The following ATL2 variants were observed in gnomAD, a reference collection of about 807,000 sequenced individuals.
ATL2 encodes atlastin GTPase 2, also known as atlastin-2.
A neutral mutation model predicts 73.9 loss-of-function variants in ATL2; 31 were observed. The ratio of observed to expected loss-of-function variants is 0.42; its 90% CI spans 0.32 to 0.57. ATL2 has a LOEUF of 0.57. Among genes scored for constraint, ATL2 ranks in the 20% least tolerant of loss-of-function variants. ATL2 has a pLI of 0.14. For synonymous variants in ATL2, 291 were observed against 237.5 expected (o/e 1.23, Z -2.07); for missense variants, 738 against 702.6 (o/e 1.05, Z -0.57).
At position 38,376,067 on chromosome 2, in the gene ATL2, G is replaced by A. The variant is rs564378495; in HGVS notation, c.118+1076C>T. 8.7e-6 allele frequency: 12 copies of A among 1,387,042 alleles called. No individual in the cohort carries two copies. In the East Asian group the frequency reaches 1.0e-4, roughly 12 times the overall value. The allele number at this position is 1,387,042 out of a possible 1,614,324, so 85.9% of individuals were successfully genotyped here. A position where few individuals can be genotyped will look rare whatever the true frequency, so the allele number is the denominator to read the frequency against. On this transcript the variant is annotated intron_variant, in intron 1 of 12. Coordinates refer to ENST00000378954, the MANE Select transcript of ATL2 (RefSeq NM_001135673.4). The stretch of plus-strand genomic sequence containing the variant: ...CGTAAAAAAAGAAATCTTAAGACAC[G>A]AGCTCGTATCTGTATTTAATAATAA...
intron 4 of ATL2, chr2:38,318,214 A>G: frequency 5.0e-6 from 1 of 200,082 alleles, no homozygotes; most frequent in East Asian, 1.2e-4. Flanking sequence ...TCAGTGGCTC[A>G]CGCCTGTAAT....
chr2:38,335,509 A>G (rs928112085), intron 2 of ATL2, among the ~76,000 whole-genome samples: 2 of 152,202 alleles, frequency 1.3e-5, no homozygotes, highest in Non-Finnish European at 2.9e-5. Context: ...CTATGATTAC[A>G]TTTATGTGAA....
chr2:38,309,007 T>G (rs1286804817), intron 9 of ATL2, among the ~76,000 whole-genome samples: 2 of 151,980 alleles, frequency 1.3e-5, no homozygotes, highest in African/African-American at 4.8e-5. Flanking sequence ...TCTTATCAAG[T>G]CCTCAGAACT....
intron 9 of ATL2, among the ~76,000 whole-genome samples, chr2:38,307,788 C>A (rs1364888869): frequency 6.6e-6 from 1 of 151,884 alleles, no homozygotes; most frequent in African/African-American, 2.4e-5. Context: ...ATGATCTGAT[C>A]AAAAAACGGG....
At chr2:38,363,529 G>C (rs972917545) in intron 1 of ATL2, among the ~76,000 whole-genome samples, 2 of 152,100 alleles carry the variant, frequency 1.3e-5, no homozygotes, top group African/African-American at 2.4e-5. Context: ...TTCTAGAAGG[G>C]CAAGTATTAA....
chr2:38,339,746 G>A (rs556283771), intron 2 of ATL2, among the ~76,000 whole-genome samples: 4 of 151,952 alleles, frequency 2.6e-5, no homozygotes, highest in Admixed American at 2.6e-4. Flanking sequence ...GTTAGAGTAT[G>A]ATGGCACAAT....
intron 7 of ATL2, among the ~76,000 whole-genome samples, chr2:38,311,446 T>C (rs1340034115): frequency 6.9e-6 from 1 of 145,034 alleles, no homozygotes; most frequent in African/African-American, 2.5e-5. Context: ...AATTAAAACC[T>C]GGAAACTACC....
At chr2:38,358,599 G>A (rs1332415628) in intron 1 of ATL2, 15 of 283,880 alleles carry the variant, frequency 5.3e-5, no homozygotes, top group South Asian at 5.1e-5. Flanking sequence ...GGCTGAGGCC[G>A]GAGAATGGCG....
chr2:38,321,693 A>G (rs1256316766), intron 2 of ATL2, among the ~76,000 whole-genome samples: 1 of 152,058 alleles, frequency 6.6e-6, no homozygotes, highest in African/African-American at 2.4e-5. Flanking sequence ...CTGCTGCATA[A>G]CAATCCTTTT....
rs549748935 is a variant in ATL2 at position 38,314,960 on chromosome 2, T to C, written c.655-296A>G. On this transcript the variant is annotated intron_variant, in intron 5 of 12. Transcript: ENST00000378954. ...GTTGGCACATTTTCTTTAAGAAATA[T>C]GTGCTCGCAGACGGGCGCAGCGGCT... 2.0e-4 allele frequency among the ~76,000 whole-genome samples: 30 copies of C among 152,352 alleles called. No homozygotes were observed. In the South Asian group the frequency reaches 5.4e-3, roughly 27 times the overall value.
intron 1 of ATL2, among the ~76,000 whole-genome samples, chr2:38,372,966 T>C (rs572841726): frequency 6.6e-6 from 1 of 152,348 alleles, no homozygotes; most frequent in South Asian, 2.1e-4. Context: ...ATACACATTA[T>C]ATATAATAGC....
In ATL2 at chr2:38,377,189, G is replaced by A. The variant is rs759392627; in HGVS notation, c.72C>T (p.Ser24=). 8 of 1,610,654 alleles carry A rather than the reference G, an allele frequency of 5.0e-6. No individual in the cohort carries two copies. In the South Asian group the frequency reaches 7.7e-5, roughly 16 times the overall value. The change falls in exon 1 of 13, where the codon AGC becomes AGT. Residue 24 remains serine, a synonymous_variant. Coordinates refer to ENST00000378954, the MANE Select transcript of ATL2 (RefSeq NM_001135673.4). ...CGTGGTTAACCGCGGCGCTTGGGTC[G>A]CTGGTCCGTCGCCGGCGCCACAGCC... is the stretch of plus-strand genomic sequence containing the variant. ...HQGLWRRRRT[S]DPSAAVNHVS... is the part of the protein sequence containing the mutation.
chr2:38,354,086 G>C, intron 1 of ATL2: 1 of 360,420 alleles, frequency 2.8e-6, no homozygotes, highest in South Asian at 1.9e-5. Context: ...CAGCTACTTG[G>C]GAGGCTGAGG....
intron 12 of ATL2, chr2:38,296,342 T>A: frequency 6.9e-7 from 1 of 1,454,692 alleles, no homozygotes; most frequent in Admixed American, 2.7e-5. Flanking sequence ...ATGAGATGGA[T>A]GTGCAATTCC....
chr2:38,365,357 G>T (rs931398386), intron 1 of ATL2, among the ~76,000 whole-genome samples: 1 of 151,878 alleles, frequency 6.6e-6, no homozygotes, highest in African/African-American at 2.4e-5. Flanking sequence ...TACAGCAGCA[G>T]TTTAAAAAAA....
At chr2:38,370,651 C>T (rs890017971) in intron 1 of ATL2, among the ~76,000 whole-genome samples, 1 of 151,906 alleles carries the variant, frequency 6.6e-6, no homozygotes, top group Non-Finnish European at 1.5e-5. Flanking sequence ...CCTGTAGTCC[C>T]AGCTACTTGG....
At chr2:38,346,304 A>G (rs1317083728) in intron 1 of ATL2, among the ~76,000 whole-genome samples, 3 of 152,118 alleles carry the variant, frequency 2.0e-5, no homozygotes, top group African/African-American at 7.2e-5. Flanking sequence ...CTCTTACCCA[A>G]TCCAATCTAA....
chr2:38,343,580 A>G, intron 1 of ATL2, 68 bp from the exon 2 acceptor site: 1 of 1,445,952 alleles, frequency 6.9e-7, no homozygotes, highest in East Asian at 2.3e-5. Flanking sequence ...TAAGGACCAC[A>G]ACTAAAGCAA....
chr2:38,300,880 G>GAAAAAAAA (rs60232727), intron 9 of ATL2, among the ~76,000 whole-genome samples: 1 of 103,448 alleles, frequency 9.7e-6, no homozygotes. Context: ...GCTCAAGAAG[G>GAAAAAAAA]AAAAAAAAAA....
Sources: gnomAD v4.1 joint callset for allele counts (sites outside exome capture counted in the v4.1 genomes callset) on GRCh38, gnomAD v4.1.1 for gene constraint, MANE v1.5 for transcripts, NCBI Gene and HGNC (gene_info 2026-07-23, HGNC 2026-07-21) for gene names.